NSD1: variants seen among roughly 807,000 people sequenced by gnomAD.
NSD1 encodes nuclear receptor binding SET domain protein 1.
NSD1 carries 26 observed loss-of-function variants against 242.7 expected under a neutral mutation model. The observed-to-expected ratio is 0.11, with a 90% CI of 0.08 to 0.15. The LOEUF (loss-of-function observed/expected upper bound fraction) is 0.15, where lower values mean the gene tolerates loss of function less well. Among genes scored for constraint, NSD1 ranks in the 10% least tolerant of loss-of-function variants. The probability of loss-of-function intolerance (pLI) is 1.00; values close to 1 mark genes in which losing one functional copy is unlikely to be tolerated. For missense variants in NSD1, 2,495 were observed against 3,272.8 expected, an observed-to-expected ratio of 0.76 and a Z score of 5.80; for synonymous variants, 1,106 against 1,178.1, an observed-to-expected ratio of 0.94 and a Z score of 1.25.
intron 14 of NSD1, 148 bp downstream of exon 14, chr5:177,260,316 G>T: frequency 1.8e-6 from 1 of 568,242 alleles, no homozygotes; most frequent in Non-Finnish European, 3.1e-6. Context: ...ATGATGTCCC[G>T]AATTAATGAT....
chr5:177,282,960 T>A (rs115658829), intron 19 of NSD1, among the ~76,000 whole-genome samples: 2,113 of 152,308 alleles, frequency 0.014, 37 homozygotes, highest in African/African-American at 0.042. Flanking sequence ...AATTTTTTTT[T>A]AAAATTATTT....
chr5:177,299,422 G>C lies in NSD1; in HGVS notation c.*3963G>C, dbSNP rs1218135789. The stretch of plus-strand genomic sequence containing the variant: ...CTATATCCAGGTGAAGGTGGCCATT[G>C]AGTTTCTCAGGGCTGGGGCCACCTT... On this transcript the variant is annotated 3_prime_UTR_variant, in exon 23 of 23. Transcript: ENST00000439151. The C allele has an allele frequency of 8.6e-6, 2 of 233,158 alleles. No individual in the cohort carries two copies. Among genetic ancestry groups the C allele is most frequent in the Admixed American group, 5.6e-5 (1 of 17,770 alleles). The allele number at this position is 233,158 out of a possible 1,614,324, so 14.4% of individuals were successfully genotyped here.
intron 2 of NSD1, chr5:177,136,774 A>G (rs777038115): frequency 1.3e-4 from 75 of 569,522 alleles, no homozygotes; most frequent in Non-Finnish European, 1.9e-4. Flanking sequence ...TTGTATCACC[A>G]TTAGCTCTTG....
In NSD1 at chr5:177,267,559, C is replaced by T. The variant is rs1176444711; in HGVS notation, c.5147-3C>T. On this transcript the variant is annotated splice_polypyrimidine_tract_variant and splice_region_variant and intron_variant, in intron 14 of 22. Coordinates refer to ENST00000439151, the MANE Select transcript of NSD1 (RefSeq NM_022455.5). ...TGAATGCCACATTTTTTTATTCCCACAGGAGGCAGCCTTCTGTGCTGTGAT... is the reference window on the plus strand; with the variant it reads ...TGAATGCCACATTTTTTTATTCCCATAGGAGGCAGCCTTCTGTGCTGTGAT... 2 of 1,613,844 alleles carry T rather than the reference C, an allele frequency of 1.2e-6. No individual in the cohort carries two copies. The highest frequency in any genetic ancestry group is 1.3e-5 in the African/African-American group (1 of 74,898).
rs757019915 is a variant in NSD1, at chr5:177,210,537, T to G, written c.2138T>G (p.Met713Arg). 2.5e-6 allele frequency: 4 copies of G among 1,614,066 alleles called. No individual in the cohort carries two copies. In the Admixed American group the frequency reaches 6.7e-5, roughly 27 times the overall value. The change falls in exon 5 of 23, where the codon ATG (methionine) becomes AGG (arginine). Residue 713 changes from methionine (M) to arginine (R), a missense_variant. This residue lies in a region of NSD1 where 515 missense variants were observed against 467.0 expected (regional missense o/e 1.10). Coordinates refer to ENST00000439151, the MANE Select transcript of NSD1 (RefSeq NM_022455.5). The stretch of plus-strand genomic sequence containing the variant: ...AGTAACTCACATACAGACCACTTAA[T>G]GGGTTGTACTAAGAGTGCAGAGCCT... ...LISNSHTDHL[M>R]GCTKSAEPGT... is the part of the protein sequence containing the mutation.
At chr5:177,259,687 C>T (rs1562268934) in intron 13 of NSD1, among the ~76,000 whole-genome samples, 1 of 152,138 alleles carries the variant, frequency 6.6e-6, no homozygotes, top group Non-Finnish European at 1.5e-5. Context: ...GTTGTCTCCC[C>T]TCTCCCTATT....
intron 2 of NSD1, among the ~76,000 whole-genome samples, chr5:177,173,860 A>T (rs1403592377): frequency 6.6e-6 from 1 of 152,222 alleles, no homozygotes; most frequent in Non-Finnish European, 1.5e-5. Context: ...AACAATAGTC[A>T]TTCATATGTG....
intron 2 of NSD1, among the ~76,000 whole-genome samples, chr5:177,148,885 C>T (rs1757470695): frequency 6.6e-6 from 1 of 152,218 alleles, no homozygotes; most frequent in Non-Finnish European, 1.5e-5. Context: ...GTGGCACGAT[C>T]TCGGCTCACT....
Position 177,155,562 on chromosome 5 carries a change from T to C in NSD1, c.927+19532T>C, listed in dbSNP as rs1236851959. ...TATAGGCATAAGCCACCGCACTGGCTTTTTTTTTTTTTTTTTTTTTAAACC... is the reference window on the plus strand; with the variant it reads ...TATAGGCATAAGCCACCGCACTGGCCTTTTTTTTTTTTTTTTTTTTAAACC... On this transcript the variant is annotated intron_variant, in intron 2 of 22. Transcript: ENST00000439151. 6.0e-5 allele frequency among the ~76,000 whole-genome samples: 6 copies of C among 99,622 alleles called. No individual in the cohort carries two copies. The East Asian group carries it at 1.4e-3, about 23-fold the overall frequency. 65.4% of individuals were successfully genotyped at this position (99,622 alleles called of 152,430 possible).
chr5:177,133,135 A>AC (rs1302599994), upstream of NSD1: 2 of 152,276 alleles, frequency 1.3e-5, no homozygotes, highest in African/African-American at 2.4e-5. The surrounding 1 kb of genome is among the most constrained non-coding windows in gnomAD (Gnocchi z 6.2). Context: ...GGCCTCGAAG[A>AC]CCCCAGCCCA....
chr5:177,222,743 G>C (rs1352245477), intron 5 of NSD1, among the ~76,000 whole-genome samples: 1 of 152,236 alleles, frequency 6.6e-6, no homozygotes, highest in African/African-American at 2.4e-5. Context: ...TTACATATAA[G>C]TCCATTATTA....
chr5:177,209,412 C>T (rs1435337240), intron 4 of NSD1, among the ~76,000 whole-genome samples: 2 of 151,296 alleles, frequency 1.3e-5, no homozygotes, highest in Non-Finnish European at 2.9e-5. Context: ...GCCTGTAATC[C>T]CAGCTACTCG....
intron 5 of NSD1, among the ~76,000 whole-genome samples, chr5:177,217,155 C>G (rs1763839644): frequency 6.6e-6 from 1 of 151,928 alleles, no homozygotes; most frequent in Non-Finnish European, 1.5e-5. Context: ...GGCTATCTTT[C>G]CATTTATTTA....
Position 177,210,575 on chromosome 5 carries a change from T to C in NSD1, c.2176T>C (p.Ser726Pro), listed in dbSNP as rs28932178. The change falls in exon 5 of 23, where the codon TCT becomes CCT. Residue 726 changes from serine (S) to proline (P), a missense_variant. By Grantham distance (74) the Ser-to-Pro change is moderately conservative. This residue lies in a region of NSD1 where 515 missense variants were observed against 467.0 expected (regional missense o/e 1.10). Coordinates refer to ENST00000439151, the MANE Select transcript of NSD1 (RefSeq NM_022455.5). Reference sequence around the variant, plus strand: ...GAGTGCAGAGCCTGGAACCGAGACGTCTCAGGTTAATCTCTCTGATCTGAA... The same window carrying C: ...GAGTGCAGAGCCTGGAACCGAGACGCCTCAGGTTAATCTCTCTGATCTGAA... ...TKSAEPGTETSQVNLSDLKAS... is the reference protein window; with the variant it reads ...TKSAEPGTETPQVNLSDLKAS... 0.16 allele frequency: 265,425 copies of C among 1,613,816 alleles called. 26,158 individuals carry two copies. Among genetic ancestry groups the C allele is most frequent in the East Asian group, 0.5 (22,648 of 44,854 alleles).
Position 177,257,157 on chromosome 5 carries a change from G to T in NSD1, c.4966+6G>T. On this transcript the variant is annotated splice_donor_region_variant and intron_variant, in intron 13 of 22. Coordinates refer to ENST00000439151, the MANE Select transcript of NSD1 (RefSeq NM_022455.5). Reference sequence around the variant, plus strand: ...CAATGTTTCTGCATCTAAAGGTATGGATTTCTTATGTGGACCAGTCTAATT... The same window carrying T: ...CAATGTTTCTGCATCTAAAGGTATGTATTTCTTATGTGGACCAGTCTAATT... 6.2e-7 allele frequency: 1 copy of T among 1,610,444 alleles called. No individual in the cohort carries two copies. Among genetic ancestry groups the T allele is most frequent in the Non-Finnish European group, 8.5e-7 (1 of 1,177,162 alleles).
At chr5:177,174,933 G>A (rs1417222525) in intron 2 of NSD1, among the ~76,000 whole-genome samples, 9 of 141,900 alleles carry the variant, frequency 6.3e-5, no homozygotes, top group Non-Finnish European at 1.2e-4. Flanking sequence ...GTGCAGTGGC[G>A]CTATCTTGGC....
chr5:177,233,261 G>T (rs1189401940), intron 5 of NSD1, among the ~76,000 whole-genome samples: 1 of 151,926 alleles, frequency 6.6e-6, no homozygotes, highest in Non-Finnish European at 1.5e-5. Flanking sequence ...TAGAGATGGG[G>T]TCTCACTATG....
chr5:177,226,359 C>G (rs967232569), intron 5 of NSD1, among the ~76,000 whole-genome samples: 2 of 152,144 alleles, frequency 1.3e-5, no homozygotes, highest in Non-Finnish European at 2.9e-5. Flanking sequence ...ATTTGTTAAA[C>G]CTGTTCTCAA....
rs118071300 is a variant in NSD1 at position 177,221,849 on chromosome 5, G to A, written c.3796+9654G>A. Among the ~76,000 whole-genome samples, 788 of 151,758 alleles carry A rather than the reference G, an allele frequency of 5.2e-3. 45 individuals carry two copies. In the East Asian group the frequency reaches 0.13, roughly 26 times the overall value. On this transcript the variant is annotated intron_variant, in intron 5 of 22. Transcript: ENST00000439151. ...TTTGAGACAGAGTTTCATTCTCATC[G>A]CCCAGGCTGGAGTGCAGTGGTGTGA...
Sources: gnomAD v4.1 joint callset for allele counts (sites outside exome capture counted in the v4.1 genomes callset) on GRCh38, gnomAD v4.1.1 for gene constraint, gnomAD v4.1.1 regional missense constraint, Gnocchi (gnomAD v3.1) non-coding constraint, MANE v1.5 for transcripts, NCBI Gene and HGNC (gene_info 2026-07-23, HGNC 2026-07-21) for gene names.